The following BABAM2 variants were observed in gnomAD, a reference collection of about 807,000 sequenced individuals.
BABAM2 encodes BRISC and BRCA1 A complex member 2.
BABAM2 carries 31 observed loss-of-function variants against 54.7 expected under a neutral mutation model. That is an observed-to-expected ratio of 0.57 (90% confidence interval 0.43 to 0.77). The LOEUF is 0.77. Ranked by LOEUF, BABAM2 falls within the 30% of genes least tolerant of loss-of-function variation. The pLI is 0.00. For missense variants in BABAM2, 364 were observed against 455.8 expected (o/e 0.80, Z 1.83); for synonymous variants, 167 against 162.9 (o/e 1.03, Z -0.19).
At chr2:28,075,414 A>C (rs1366793602) in intron 6 of BABAM2, among the ~76,000 whole-genome samples, 1 of 152,212 alleles carries the variant, frequency 6.6e-6, no homozygotes, top group Non-Finnish European at 1.5e-5. Flanking sequence ...AGTGGCTCCC[A>C]ATACATAATG....
intron 7 of BABAM2, among the ~76,000 whole-genome samples, chr2:28,179,778 T>C (rs1675419969): frequency 6.6e-6 from 1 of 152,212 alleles, no homozygotes; most frequent in Non-Finnish European, 1.5e-5. Flanking sequence ...TTCAGTAACA[T>C]TGCAGAATGC....
chr2:28,309,920 C>A, intron 11 of BABAM2: 1 of 666,724 alleles, frequency 1.5e-6, no homozygotes. Flanking sequence ...CCTTCCATTC[C>A]GCACGAGCAA....
At chr2:27,936,012 A>G (rs1668456737) in intron 3 of BABAM2, among the ~76,000 whole-genome samples, 1 of 152,094 alleles carries the variant, frequency 6.6e-6, no homozygotes. Flanking sequence ...TCTGTTTCCC[A>G]GGTTCAGGCG....
intron 4 of BABAM2, chr2:28,013,461 G>A: frequency 2.2e-6 from 1 of 444,772 alleles, no homozygotes; most frequent in East Asian, 7.0e-5. Flanking sequence ...AGTCTTACCA[G>A]TCCTATCACA....
intron 6 of BABAM2, among the ~76,000 whole-genome samples, chr2:28,052,287 C>CTT (rs540993353): frequency 7.4e-6 from 1 of 134,908 alleles, no homozygotes; most frequent in African/African-American, 2.7e-5. Flanking sequence ...TTTTTTTTTG[C>CTT]TTTTTTTTTT....
chr2:28,176,569 CAAAAAAAAAA>C (rs778275011), intron 7 of BABAM2, among the ~76,000 whole-genome samples: 13 of 5,040 alleles, frequency 2.6e-3, no homozygotes, highest in East Asian at 0.019. Context: ...GACTCTATCT[CAAAAAAAAAA>C]AAAAAAAAAA....
At chr2:28,301,371 C>G (rs138684813) in intron 11 of BABAM2, among the ~76,000 whole-genome samples, 1 of 152,204 alleles carries the variant, frequency 6.6e-6, no homozygotes, top group Non-Finnish European at 1.5e-5. Context: ...TTCTGTCCCT[C>G]GCAAGTGAAG....
At chr2:27,894,829 T>A (rs1028313538) in intron 2 of BABAM2, 145 bp downstream of exon 2, 13 of 906,198 alleles carry the variant, frequency 1.4e-5, no homozygotes, top group South Asian at 3.6e-5. Context: ...TTCAGTTGGT[T>A]TTGTTCAGTT....
chr2:27,934,609 T>C (rs1668357848), intron 3 of BABAM2, among the ~76,000 whole-genome samples: 3 of 152,246 alleles, frequency 2.0e-5, no homozygotes. Flanking sequence ...TGAGACAGGC[T>C]GAAAGCTAGG....
In BABAM2 at chr2:28,037,219, T is replaced by C. The variant is rs140250289; in HGVS notation, c.496-8506T>C. On this transcript the variant is annotated intron_variant, in intron 5 of 11. Transcript: ENST00000379624. ...TTCCTCCTGTCCAGGTAAGCACTAA[T>C]ATAAATTTTTTCTAGTATAGATTTT... Among the ~76,000 whole-genome samples, 129 of 152,272 alleles carry C rather than the reference T, an allele frequency of 8.5e-4. 3 individuals carry two copies. The East Asian group carries it at 0.021, about 24-fold the overall frequency.
chr2:28,330,356 T>G (rs1350426515), intron 11 of BABAM2, among the ~76,000 whole-genome samples: 1 of 152,052 alleles, frequency 6.6e-6, no homozygotes, highest in East Asian at 1.9e-4. Context: ...GAGAAAGAAA[T>G]AAAGGGTATT....
At chr2:28,187,840 T>C (rs1449204497) in intron 7 of BABAM2, among the ~76,000 whole-genome samples, 1 of 151,908 alleles carries the variant, frequency 6.6e-6, no homozygotes, top group Admixed American at 6.6e-5. Context: ...GGTTTATTTT[T>C]TGTTTTTAGT....
At chr2:27,923,296 A>C (rs2148335034) in intron 2 of BABAM2, among the ~76,000 whole-genome samples, 1 of 152,350 alleles carries the variant, frequency 6.6e-6, no homozygotes, top group East Asian at 1.9e-4. Context: ...TTTCCTAGTC[A>C]AATAGAAAAG....
At chr2:28,319,276 G>C (rs1351207589) in intron 11 of BABAM2, among the ~76,000 whole-genome samples, 1 of 152,222 alleles carries the variant, frequency 6.6e-6, no homozygotes, top group Non-Finnish European at 1.5e-5. Flanking sequence ...TGCAAACAAA[G>C]AAAAGGCTCC....
At chr2:28,338,319 G>A in intron 11 of BABAM2, 131 bp from the exon 12 acceptor site, 1 of 849,760 alleles carries the variant, frequency 1.2e-6, no homozygotes, top group Non-Finnish European at 2.0e-6. Context: ...AGCAGAGAAG[G>A]CAAATCCAAC....
intron 2 of BABAM2, among the ~76,000 whole-genome samples, chr2:27,895,759 C>T (rs1469412623): frequency 3.3e-5 from 5 of 152,118 alleles, no homozygotes; most frequent in Non-Finnish European, 2.9e-5. Context: ...TGGTGCTTGT[C>T]TAAGTGTGCT....
chr2:28,023,534 T>C (rs1214132046), intron 4 of BABAM2, among the ~76,000 whole-genome samples: 5 of 152,202 alleles, frequency 3.3e-5, no homozygotes, highest in Non-Finnish European at 2.9e-5. Flanking sequence ...TCAACAGATT[T>C]GCCAGGGAAA....
intron 10 of BABAM2, among the ~76,000 whole-genome samples, chr2:28,283,019 G>GTATTTATTA (rs1553357877): frequency 5.1e-5 from 6 of 116,920 alleles, no homozygotes; most frequent in Admixed American, 9.2e-5. Context: ...AAAAAAAAAA[G>GTATTTATTA]GAATGAAAAC....
At chr2:28,333,125 A>T (rs1436235077) in intron 11 of BABAM2, among the ~76,000 whole-genome samples, 2 of 151,820 alleles carry the variant, frequency 1.3e-5, no homozygotes, top group Non-Finnish European at 2.9e-5. Context: ...ACATCTATTG[A>T]TCATCTCTTA....
Sources: gnomAD v4.1 joint callset for allele counts (sites outside exome capture counted in the v4.1 genomes callset) on GRCh38, gnomAD v4.1.1 for gene constraint, MANE v1.5 for transcripts, NCBI Gene and HGNC (gene_info 2026-07-23, HGNC 2026-07-21) for gene names.